The following RARB variants were observed in gnomAD, a reference collection of about 807,000 sequenced individuals.
The protein encoded by RARB is HBV-activated protein.
RARB carries 17 observed loss-of-function variants against 51.9 expected under a neutral mutation model. The observed-to-expected ratio is 0.33, with a 90% CI of 0.22 to 0.49. The LOEUF is 0.49. Among genes scored for constraint, RARB ranks in the 20% least tolerant of loss-of-function variants. The pLI, the probability that RARB is intolerant of heterozygous loss-of-function variation, is 0.99. For synonymous variants in RARB, 215 were observed against 195.4 expected, an observed-to-expected ratio of 1.10 and a Z score of -0.84; for missense variants, 369 against 550.8, an observed-to-expected ratio of 0.67 and a Z score of 3.30.
chr3:25,250,903 T>C (rs573470711), intron 5 of RARB, among the ~76,000 whole-genome samples: 2 of 152,250 alleles, frequency 1.3e-5, no homozygotes, highest in South Asian at 2.1e-4. Context: ...TCTGTAGCAA[T>C]TGGGTGTTGT....
At chr3:24,866,901 T>C (rs1266043360) in intron 2 of RARB, among the ~76,000 whole-genome samples, 1 of 151,554 alleles carries the variant, frequency 6.6e-6, no homozygotes, top group East Asian at 1.9e-4. Flanking sequence ...AAAGGGAGAG[T>C]GACTAGGCAG....
intron 4 of RARB, among the ~76,000 whole-genome samples, chr3:25,165,555 A>G (rs1426286517): frequency 6.6e-6 from 1 of 152,168 alleles, no homozygotes; most frequent in Non-Finnish European, 1.5e-5. Context: ...TAGGCCAGTC[A>G]TTCGCTTGGC....
chr3:24,971,241 T>G (rs1251481952), intron 2 of RARB, among the ~76,000 whole-genome samples: 2 of 151,996 alleles, frequency 1.3e-5, no homozygotes, highest in Non-Finnish European at 2.9e-5. Context: ...TGGTTACCAT[T>G]ATTATTCTTA....
intron 5 of RARB, among the ~76,000 whole-genome samples, chr3:25,390,502 A>C (rs1706919960): frequency 6.6e-6 from 1 of 152,228 alleles, no homozygotes; most frequent in Admixed American, 6.5e-5. Context: ...AAATGGACTA[A>C]GACTGGGTGA....
At chr3:25,062,580 A>G (rs577098851) in intron 3 of RARB, among the ~76,000 whole-genome samples, 1 of 152,116 alleles carries the variant, frequency 6.6e-6, no homozygotes, top group Non-Finnish European at 1.5e-5. Context: ...ATATGTCAAT[A>G]TAATGAAATA....
chr3:24,928,264 G>C (rs1229446053), intron 2 of RARB, among the ~76,000 whole-genome samples: 1 of 151,844 alleles, frequency 6.6e-6, no homozygotes, highest in Non-Finnish European at 1.5e-5. Context: ...CTCTGGTCTT[G>C]GTGGACTGGA....
chr3:25,480,507 C>G (rs1163885100), intron 2 of RARB, among the ~76,000 whole-genome samples: 3 of 152,166 alleles, frequency 2.0e-5, no homozygotes, highest in Admixed American at 6.5e-5. Flanking sequence ...GCTAAGGTAA[C>G]TAACTCCCAT....
rs200546857 is a variant in RARB, at chr3:25,482,968, ATAGT to A, written c.307-18209_307-18206del. On this transcript the variant is annotated intron_variant, in intron 2 of 7. Transcript: ENST00000330688. Reference sequence around the variant, plus strand: ...TGAAATATTTTTACATAGTAATTTCATAGTTAGTCTTCAAAATTTGATGTTAACT... The same window carrying A: ...TGAAATATTTTTACATAGTAATTTCATAGTCTTCAAAATTTGATGTTAACT... Among the ~76,000 whole-genome samples, 8 of 152,362 alleles carry A rather than the reference ATAGT, an allele frequency of 5.3e-5. No individual in the cohort carries two copies. The East Asian group carries it at 5.8e-4, about 11-fold the overall frequency.
intron 2 of RARB, among the ~76,000 whole-genome samples, chr3:24,959,419 A>C (rs1192321060): frequency 1.3e-5 from 2 of 152,126 alleles, no homozygotes; most frequent in Non-Finnish European, 2.9e-5. Context: ...CTCTGGAGTC[A>C]AACTTCTCTC....
At chr3:25,375,756 G>T (rs1051461590) in intron 5 of RARB, among the ~76,000 whole-genome samples, 4 of 152,178 alleles carry the variant, frequency 2.6e-5, no homozygotes, top group African/African-American at 4.8e-5. Flanking sequence ...GTAGATGTAT[G>T]CTGGGATGCA....
At chr3:25,568,351 GCCTA>G (rs1700578195) in intron 3 of RARB, among the ~76,000 whole-genome samples, 1 of 152,102 alleles carries the variant, frequency 6.6e-6, no homozygotes, top group African/African-American at 2.4e-5. Context: ...GTTTAAACTT[GCCTA>G]CCTGATAAAA....
At chr3:25,468,590 A>G (rs574054108) in intron 2 of RARB, among the ~76,000 whole-genome samples, 1 of 152,066 alleles carries the variant, frequency 6.6e-6, no homozygotes, top group East Asian at 1.9e-4. Context: ...CCACACTTAG[A>G]CAGAAGGTCT....
In RARB at chr3:24,844,762, T is replaced by G. The variant is rs1446868547; in HGVS notation, c.-458-13912T>G. Among the ~76,000 whole-genome samples the G allele has an allele frequency of 2.0e-5, 3 of 152,310 alleles. No homozygotes were observed. The East Asian group carries it at 5.8e-4, about 29-fold the overall frequency. Reference sequence around the variant, plus strand: ...TATTTCAGTGAAGTTCATACCATTATTCTCTGGACCCCTGCGATCTGGAAC... The same window carrying G: ...TATTTCAGTGAAGTTCATACCATTAGTCTCTGGACCCCTGCGATCTGGAAC... On this transcript the variant is annotated intron_variant, in intron 1 of 11. Transcript: ENST00000383772.
chr3:24,938,601 T>C (rs1695593221), intron 2 of RARB, among the ~76,000 whole-genome samples: 1 of 152,182 alleles, frequency 6.6e-6, no homozygotes, highest in South Asian at 2.1e-4. Flanking sequence ...AATGGTAAAT[T>C]TTAAATGGAC....
At chr3:24,843,741 C>A (rs1702449100) in intron 1 of RARB, among the ~76,000 whole-genome samples, 1 of 152,162 alleles carries the variant, frequency 6.6e-6, no homozygotes, top group Non-Finnish European at 1.5e-5. Flanking sequence ...GCACTGAAAT[C>A]TGCAATTTAA....
chr3:25,053,218 A>C (rs530695254), intron 2 of RARB, among the ~76,000 whole-genome samples: 1 of 152,232 alleles, frequency 6.6e-6, no homozygotes, highest in South Asian at 2.1e-4. Context: ...ACAAGGTTTG[A>C]TGGTGGTAAT....
intron 5 of RARB, among the ~76,000 whole-genome samples, chr3:25,228,276 C>G (rs889567351): frequency 7.7e-6 from 1 of 129,524 alleles, no homozygotes; most frequent in Non-Finnish European, 1.6e-5. Context: ...TAAGGATACT[C>G]TACTCTTTGT....
Position 24,872,393 on chromosome 3 carries a change from A to T in RARB, c.-380+13641A>T, listed in dbSNP as rs548768842. Among the ~76,000 whole-genome samples, 4 of 152,196 alleles carry T rather than the reference A, an allele frequency of 2.6e-5. No individual in the cohort carries two copies. In the South Asian group the frequency reaches 6.2e-4, roughly 24 times the overall value. On this transcript the variant is annotated intron_variant, in intron 2 of 11. Transcript: ENST00000383772. ...TCTTCACACAAATCTCACCTTCTCTATTATTCCATTTTACCTTGCTATAAA... is the reference window on the plus strand; with the variant it reads ...TCTTCACACAAATCTCACCTTCTCTTTTATTCCATTTTACCTTGCTATAAA...
chr3:24,917,455 A>G (rs73049478), intron 2 of RARB, among the ~76,000 whole-genome samples: 12,111 of 152,294 alleles, frequency 0.08, 696 homozygotes, highest in East Asian at 0.3. Flanking sequence ...TCAGTGATGG[A>G]CAACTTAATT....
Sources: allele counts gnomAD v4.1 joint callset (sites outside exome capture counted in the v4.1 genomes callset), GRCh38; gene constraint gnomAD v4.1.1; transcripts MANE v1.5; gene names NCBI Gene and HGNC (gene_info 2026-07-23, HGNC 2026-07-21).